Variants in PLCL1 observed in about 807,000 individuals in gnomAD.
PLCL1 encodes inactive phospholipase C-like protein 1.
A neutral mutation model predicts 84.4 loss-of-function variants in PLCL1; 41 were observed. That is an observed-to-expected ratio of 0.49 (90% CI 0.38 to 0.63). The LOEUF is 0.63. Among genes scored for constraint, PLCL1 ranks in the 30% least tolerant of loss-of-function variants. PLCL1 has a pLI of 0.00. For missense variants in PLCL1, 1,206 were observed against 1,367.8 expected (o/e 0.88, Z 1.87); for synonymous variants, 490 against 488.3 (o/e 1.00, Z -0.05).
chr2:198,084,652 CA>C lies in PLCL1; in HGVS notation c.1136del (p.Gln379ArgfsTer22), dbSNP rs757011336. On this transcript the variant is annotated frameshift_variant, in exon 2 of 6. Coordinates refer to ENST00000428675, the MANE Select transcript of PLCL1 (RefSeq NM_006226.4). LOFTEE classifies it high-confidence loss of function. ...GTTTCTTGCAATTGATGGCTTTACC[CA>C]GTATTTATTGTCATCAGAATGTGAC... Reference protein sequence around the residue: ...KGFLAIDGFTQYLLSSECDIF... With the variant: ...KGFLAIDGFTXYLLSSECDIF... 1 of 1,614,024 alleles carries C rather than the reference CA, an allele frequency of 6.2e-7. No homozygotes were observed. The highest frequency in any genetic ancestry group is 1.1e-5 in the South Asian group (1 of 91,060).
chr2:198,108,966 C>G (rs1446198839), intron 5 of PLCL1, among the ~76,000 whole-genome samples: 3 of 151,808 alleles, frequency 2.0e-5, no homozygotes, highest in African/African-American at 7.2e-5. Flanking sequence ...ATGATTCAGT[C>G]CTCACTACCT....
intron 1 of PLCL1, among the ~76,000 whole-genome samples, chr2:198,080,321 T>C (rs1045745281): frequency 3.3e-5 from 5 of 152,240 alleles, no homozygotes; most frequent in Admixed American, 2.6e-4. Flanking sequence ...TAATTATGTT[T>C]TGTATTTACC....
intron 5 of PLCL1, among the ~76,000 whole-genome samples, chr2:198,109,587 G>GT (rs1343750444): frequency 1.3e-5 from 2 of 151,848 alleles, no homozygotes; most frequent in African/African-American, 4.8e-5. Flanking sequence ...ACTCATGAGA[G>GT]TTCTGAAGAT....
chr2:197,896,921 C>T (rs1688145643), intron 1 of PLCL1, among the ~76,000 whole-genome samples: 1 of 152,132 alleles, frequency 6.6e-6, no homozygotes, highest in Non-Finnish European at 1.5e-5. Context: ...AAATTACCCT[C>T]TGTATTTTAG....
At position 198,083,849 on chromosome 2, in the gene PLCL1, G is replaced by A; in HGVS notation, c.332G>A (p.Cys111Tyr). The A allele has an allele frequency of 6.2e-7, 1 of 1,613,910 alleles. No homozygotes were observed. Among genetic ancestry groups the A allele is most frequent in the Non-Finnish European group, 8.5e-7 (1 of 1,179,776 alleles). ...SEKKISSAND[C>Y]ISFMQAGCEL... is the part of the protein sequence containing the mutation. ...AAGAAAATTAGCAGTGCAAATGACTGCATCAGCTTCATGCAAGCTGGCTGT... is the reference window on the plus strand; with the variant it reads ...AAGAAAATTAGCAGTGCAAATGACTACATCAGCTTCATGCAAGCTGGCTGT... The change falls in exon 2 of 6, where the codon TGC (cysteine) becomes TAC (tyrosine). Residue 111 changes from cysteine (C) to tyrosine (Y), a missense_variant. Cys to Tyr is a radical substitution (Grantham distance 194, BLOSUM62 -2). Transcript: ENST00000428675.
intron 1 of PLCL1, among the ~76,000 whole-genome samples, chr2:197,858,566 A>G (rs148680339): frequency 2.2e-3 from 328 of 152,240 alleles, no homozygotes; most frequent in African/African-American, 7.5e-3. Flanking sequence ...TATTATGTGT[A>G]CTATTTTTCC....
chr2:197,899,552 A>G (rs913693313), intron 1 of PLCL1, among the ~76,000 whole-genome samples: 7 of 152,102 alleles, frequency 4.6e-5, no homozygotes, highest in African/African-American at 1.7e-4. Context: ...CTGATGGGCT[A>G]TAGAGTTTTC....
intron 1 of PLCL1, among the ~76,000 whole-genome samples, chr2:197,947,213 G>T (rs1312506649): frequency 6.9e-6 from 1 of 145,930 alleles, no homozygotes; most frequent in Non-Finnish European, 1.5e-5. Context: ...GTAATAAAGA[G>T]TAAAGGGTAG....
chr2:198,012,164 T>A (rs1441128902), intron 1 of PLCL1, among the ~76,000 whole-genome samples: 1 of 152,110 alleles, frequency 6.6e-6, no homozygotes, highest in African/African-American at 2.4e-5. Context: ...GTGAATGGAA[T>A]CTTTCTGTGT....
intron 1 of PLCL1, among the ~76,000 whole-genome samples, chr2:197,956,743 C>A (rs1317999898): frequency 6.6e-6 from 1 of 151,928 alleles, no homozygotes; most frequent in African/African-American, 2.4e-5. Flanking sequence ...CTGTTCATAT[C>A]CTTTGACCAC....
chr2:198,092,549 T>C (rs1351655704), intron 3 of PLCL1, among the ~76,000 whole-genome samples: 1 of 152,142 alleles, frequency 6.6e-6, no homozygotes, highest in Non-Finnish European at 1.5e-5. Flanking sequence ...CACCACCTCT[T>C]CTAGCTATTT....
chr2:198,040,575 C>G (rs1389937459), intron 1 of PLCL1, among the ~76,000 whole-genome samples: 1 of 152,100 alleles, frequency 6.6e-6, no homozygotes, highest in Non-Finnish European at 1.5e-5. Context: ...AGAGGAGGAT[C>G]TGAGGAGGCT....
intron 1 of PLCL1, among the ~76,000 whole-genome samples, chr2:197,954,515 C>G (rs1463618763): frequency 6.6e-6 from 1 of 152,052 alleles, no homozygotes; most frequent in East Asian, 1.9e-4. Flanking sequence ...TCTGTGGTTT[C>G]TTTCATGAGC....
chr2:197,886,422 A>G, intron 1 of PLCL1, among the ~76,000 whole-genome samples: 1 of 34,976 alleles, frequency 2.9e-5, no homozygotes, highest in Non-Finnish European at 5.7e-5. Context: ...AAAAAAAAAA[A>G]AAAAAAAAAA....
At chr2:197,867,988 A>G (rs891886961) in intron 1 of PLCL1, among the ~76,000 whole-genome samples, 1 of 152,350 alleles carries the variant, frequency 6.6e-6, no homozygotes. Context: ...TACTTTAAAC[A>G]TGACAATGAT....
In PLCL1 at chr2:198,121,273, C is replaced by T. The variant is rs150560148; in HGVS notation, c.3105+17337C>T. Reference sequence around the variant, plus strand: ...TCTTCCATTCTATAGTTTGTCTCTTCACTTTTGGGTTGTTGCCTTTGCTGT... The same window carrying T: ...TCTTCCATTCTATAGTTTGTCTCTTTACTTTTGGGTTGTTGCCTTTGCTGT... On this transcript the variant is annotated intron_variant, in intron 5 of 5. Transcript: ENST00000428675. Among the ~76,000 whole-genome samples, 1,470 of 152,118 alleles carry T rather than the reference C, an allele frequency of 9.7e-3. 26 individuals carry two copies. Among genetic ancestry groups the T allele is most frequent in the African/African-American group, 0.033 (1,365 of 41,512 alleles).
intron 1 of PLCL1, among the ~76,000 whole-genome samples, chr2:197,882,797 A>C (rs1687853986): frequency 6.6e-6 from 1 of 152,240 alleles, no homozygotes; most frequent in Non-Finnish European, 1.5e-5. Flanking sequence ...ATGTATACTT[A>C]TAAGGTATAG....
At chr2:198,060,067 C>G (rs1692155606) in intron 1 of PLCL1, among the ~76,000 whole-genome samples, 1 of 152,152 alleles carries the variant, frequency 6.6e-6, no homozygotes, top group Admixed American at 6.5e-5. Context: ...TGACAGCTCA[C>G]AAGCTTCTGA....
intron 1 of PLCL1, among the ~76,000 whole-genome samples, chr2:197,815,650 A>G (rs551634623): frequency 6.6e-6 from 1 of 152,276 alleles, no homozygotes; most frequent in South Asian, 2.1e-4. Context: ...CATTCCAGGT[A>G]CCATTAAGAA....
Sources: allele counts gnomAD v4.1 joint callset (sites outside exome capture counted in the v4.1 genomes callset), GRCh38; gene constraint gnomAD v4.1.1; transcripts MANE v1.5; gene names NCBI Gene and HGNC (gene_info 2026-07-23, HGNC 2026-07-21).